The following ARHGEF18 variants were observed in gnomAD, a reference collection of about 807,000 sequenced individuals.
ARHGEF18 encodes rho guanine nucleotide exchange factor 18.
A neutral mutation model predicts 155.7 loss-of-function variants in ARHGEF18; 93 were observed. That is an observed-to-expected ratio of 0.60 (90% CI 0.50 to 0.71). The LOEUF (loss-of-function observed/expected upper bound fraction) is 0.71, where lower values mean the gene tolerates loss of function less well. Among genes scored for constraint, ARHGEF18 ranks in the 30% least tolerant of loss-of-function variants. The pLI, the probability that ARHGEF18 is intolerant of heterozygous loss-of-function variation, is 0.00. For synonymous variants in ARHGEF18, 742 were observed against 753.1 expected (o/e 0.99, Z 0.24); for missense variants, 1,593 against 1,816.1 (o/e 0.88, Z 2.23).
At position 7,472,351 on chromosome 19, in the gene ARHGEF18, T is replaced by C. The variant is rs538119212; in HGVS notation, c.*2053T>C. Reference sequence around the variant, plus strand: ...TGGGATCTGCACACGTCTTTGTCAGTTGTGGTCATGATCTTAGTCACCTGC... The same window carrying C: ...TGGGATCTGCACACGTCTTTGTCAGCTGTGGTCATGATCTTAGTCACCTGC... On this transcript the variant is annotated 3_prime_UTR_variant, in exon 29 of 29. Transcript: ENST00000668164. 6.5e-6 allele frequency: 1 copy of C among 153,370 alleles called. No individual in the cohort carries two copies. The highest frequency in any genetic ancestry group is 2.4e-5 in the African/African-American group (1 of 41,604). The allele number at this position is 153,370 out of a possible 1,614,324, so 9.5% of individuals were successfully genotyped here.
intron 10 of ARHGEF18, among the ~76,000 whole-genome samples, chr19:7,409,421 A>G (rs1027578099): frequency 6.9e-5 from 9 of 130,058 alleles, no homozygotes; most frequent in Non-Finnish European, 1.4e-4. Flanking sequence ...TTGGAAACTA[A>G]TGAAGAGTCT....
chr19:7,358,856 C>CTGGCTTTCTATATGTCT (rs1452814777), intron 1 of ARHGEF18, among the ~76,000 whole-genome samples: 1 of 152,150 alleles, frequency 6.6e-6, no homozygotes, highest in African/African-American at 2.4e-5. Flanking sequence ...CTAAGCCAGA[C>CTGGCTTTCTATATGTCT]ATATAGAAAG....
At chr19:7,377,565 CTT>C (rs1217069446) in intron 5 of ARHGEF18, among the ~76,000 whole-genome samples, 38 of 152,150 alleles carry the variant, frequency 2.5e-4, no homozygotes, top group African/African-American at 8.7e-4. Flanking sequence ...AGGTGAATAA[CTT>C]GAGCCCAGGA....
At chr19:7,381,722 T>TAAATAAATAAAA (rs1555703241) in intron 8 of ARHGEF18, among the ~76,000 whole-genome samples, 16 of 145,966 alleles carry the variant, frequency 1.1e-4, no homozygotes, top group African/African-American at 2.9e-4. Flanking sequence ...AATAAATAAA[T>TAAATAAATAAAA]AAAAATAAAA....
At chr19:7,350,766 GGGTGT>G (rs1969136046) in intron 1 of ARHGEF18, among the ~76,000 whole-genome samples, 192 of 6,444 alleles carry the variant, frequency 0.03, 4 homozygotes, top group Non-Finnish European at 0.043. Context: ...TTTTTGGGGT[GGGTGT>G]GTGTGTGTGT....
intron 25 of ARHGEF18, 41 bp downstream of exon 25, chr19:7,467,159 TG>T: frequency 2.5e-6 from 4 of 1,579,434 alleles, no homozygotes; most frequent in Non-Finnish European, 3.5e-6. Context: ...TGCCCTTTCC[TG>T]GTTGGCTGGG....
chr19:7,395,079 G>GC lies in ARHGEF18; in HGVS notation c.967+11878dup. 2.0e-6 allele frequency: 2 copies of GC among 985,462 alleles called. No individual in the cohort carries two copies. Among genetic ancestry groups the GC allele is most frequent in the Non-Finnish European group, 2.4e-6 (2 of 829,964 alleles). 61.0% of individuals were successfully genotyped at this position (985,462 alleles called of 1,614,324 possible). ...CCTTCCGGGTCACGCCCTCTGCCCCGCCTCCGAGGCGGGATCGCGCATGCG... is the reference window on the plus strand; with the variant it reads ...CCTTCCGGGTCACGCCCTCTGCCCCGCCCTCCGAGGCGGGATCGCGCATGCG... On this transcript the variant is annotated intron_variant, in intron 10 of 28. Coordinates refer to ENST00000668164, the MANE Select transcript of ARHGEF18 (RefSeq NM_001367823.1). This position sits in a 1 kb window ranked among gnomAD's most constrained non-coding sequence, Gnocchi z 5.0.
chr19:7,440,010 G>A lies in ARHGEF18; in HGVS notation c.968-334G>A, dbSNP rs1414001402. On this transcript the variant is annotated intron_variant, in intron 10 of 28. Transcript: ENST00000668164. The surrounding 1 kb of genome is among the most constrained non-coding windows in gnomAD (Gnocchi z 5.4). ...TTCAGCCAATACAGCAAGGGAAGAC[G>A]CAGCTCTGTTTTCTAGAAGGATCCC... 2.6e-6 allele frequency: 4 copies of A among 1,550,442 alleles called. No homozygotes were observed. Among genetic ancestry groups the A allele is most frequent in the Non-Finnish European group, 1.7e-6 (2 of 1,146,698 alleles).
rs55893809 is a variant in ARHGEF18 at position 7,409,430 on chromosome 19, CTTT to C, written c.967+26241_967+26243del. Among the ~76,000 whole-genome samples the C allele has an allele frequency of 4.1e-3, 499 of 121,138 alleles. 1 individual carries two copies. The highest frequency in any genetic ancestry group is 6.1e-3 in the Non-Finnish European group (361 of 59,132). 79.5% of individuals were successfully genotyped at this position (121,138 alleles called of 152,430 possible). ...ATTAGATTGGAAACTAATGAAGAGTCTTTTTTTTTTTTTTTTGAGTTGGAGGCC... is the reference window on the plus strand; with the variant it reads ...ATTAGATTGGAAACTAATGAAGAGTCTTTTTTTTTTTTTGAGTTGGAGGCC... On this transcript the variant is annotated intron_variant, in intron 10 of 28. Transcript: ENST00000668164.
intron 10 of ARHGEF18, among the ~76,000 whole-genome samples, chr19:7,411,280 CCCTTT>C (rs1972667078): frequency 2.0e-5 from 2 of 99,814 alleles, no homozygotes; most frequent in African/African-American, 6.3e-5. Flanking sequence ...CTTCCCCTTT[CCCTTT>C]CCCTCCCCTC....
Position 7,462,449 on chromosome 19 carries a change from G to C in ARHGEF18, c.2635+115G>C, listed in dbSNP as rs1193844776. Reference sequence around the variant, plus strand: ...CGACACGGCACCCTGTCCAGGACAGGCTTCTATGTGGGGGGGGCCCAGGAG... The same window carrying C: ...CGACACGGCACCCTGTCCAGGACAGCCTTCTATGTGGGGGGGGCCCAGGAG... On this transcript the variant is annotated intron_variant, in intron 21 of 28. Coordinates refer to ENST00000668164, the MANE Select transcript of ARHGEF18 (RefSeq NM_001367823.1). This position sits in a 1 kb window ranked among gnomAD's most constrained non-coding sequence, Gnocchi z 4.4. The C allele has an allele frequency of 5.0e-6, 6 of 1,205,992 alleles. No homozygotes were observed. The East Asian group carries it at 1.7e-4, about 33-fold the overall frequency. The allele number at this position is 1,205,992 out of a possible 1,614,324, so 74.7% of individuals were successfully genotyped here. A position where few individuals can be genotyped will look rare whatever the true frequency, so the allele number is the denominator to read the frequency against.
chr19:7,397,099 A>G (rs76217962), intron 10 of ARHGEF18, among the ~76,000 whole-genome samples: 2 of 100,816 alleles, frequency 2.0e-5, no homozygotes, highest in African/African-American at 1.7e-4. Flanking sequence ...CTTTTTGCGA[A>G]AAAAAAAAAA....
intron 10 of ARHGEF18, among the ~76,000 whole-genome samples, chr19:7,422,359 C>G (rs907891291): frequency 3.0e-4 from 45 of 151,904 alleles, no homozygotes; most frequent in Non-Finnish European, 1.2e-4. Context: ...CCCATGCCCC[C>G]CCGCCCCGCG....
chr19:7,423,571 C>T (rs1973482407), intron 10 of ARHGEF18, among the ~76,000 whole-genome samples: 1 of 151,902 alleles, frequency 6.6e-6, no homozygotes, highest in Non-Finnish European at 1.5e-5. Flanking sequence ...CGTGGTAATG[C>T]ATGGCCGTAA....
chr19:7,433,165 TAA>T (rs34267862), intron 10 of ARHGEF18, among the ~76,000 whole-genome samples: 9 of 144,332 alleles, frequency 6.2e-5, no homozygotes, highest in Non-Finnish European at 9.1e-5. Context: ...TGTCTCTCTT[TAA>T]AAAAAAAAAA....
chr19:7,470,110 CCT>C lies in ARHGEF18; in HGVS notation c.3914-9_3914-8del, dbSNP rs760405137. On this transcript the variant is annotated splice_polypyrimidine_tract_variant and intron_variant, in intron 28 of 28. Coordinates refer to ENST00000668164, the MANE Select transcript of ARHGEF18 (RefSeq NM_001367823.1). This position sits in a 1 kb window ranked among gnomAD's most constrained non-coding sequence, Gnocchi z 5.9. ...CACCCGGCGACTGCTCAGTCTGAAC[CCT>C]CTCTCTGTTCCAGACCCTGGCTTCC... The C allele has an allele frequency of 1.4e-5, 22 of 1,612,228 alleles. No homozygotes were observed. The highest frequency in any genetic ancestry group is 8.3e-5 in the Admixed American group (5 of 59,938).
At chr19:7,363,418 G>C (rs1806197609) in intron 2 of ARHGEF18, among the ~76,000 whole-genome samples, 1 of 152,010 alleles carries the variant, frequency 6.6e-6, no homozygotes, top group Non-Finnish European at 1.5e-5. Context: ...ATGAAGGAAG[G>C]AAGGAAAGAA....
At chr19:7,420,636 C>T (rs1336201128) in intron 10 of ARHGEF18, among the ~76,000 whole-genome samples, 1 of 152,330 alleles carries the variant, frequency 6.6e-6, no homozygotes, top group Admixed American at 6.5e-5. Context: ...AACTCTTTTG[C>T]ACCCATGGGT....
chr19:7,387,328 AT>A (rs1223142155), intron 10 of ARHGEF18, among the ~76,000 whole-genome samples: 2 of 151,576 alleles, frequency 1.3e-5, no homozygotes, highest in Non-Finnish European at 2.9e-5. Flanking sequence ...AATTTTTTGT[AT>A]TTTTAGTAGA....
Sources: gnomAD v4.1 joint callset for allele counts (sites outside exome capture counted in the v4.1 genomes callset) on GRCh38, gnomAD v4.1.1 for gene constraint, Gnocchi (gnomAD v3.1) non-coding constraint, MANE v1.5 for transcripts, NCBI Gene and HGNC (gene_info 2026-07-23, HGNC 2026-07-21) for gene names.